Variants in BSPRY observed in about 807,000 individuals in gnomAD.
BSPRY encodes B box and SPRY domain-containing protein.
A neutral mutation model predicts 38.0 loss-of-function variants in BSPRY; 33 were observed. That is an observed-to-expected ratio of 0.87 (90% CI 0.66 to 1.16). BSPRY has a LOEUF of 1.16. Ranked by LOEUF, BSPRY falls within the 50% of genes most tolerant of loss-of-function variation. The probability of loss-of-function intolerance (pLI) is 0.00; values close to 1 mark genes in which losing one functional copy is unlikely to be tolerated. For synonymous variants in BSPRY, 224 were observed against 228.5 expected, an observed-to-expected ratio of 0.98 and a Z score of 0.18; for missense variants, 523 against 533.2, an observed-to-expected ratio of 0.98 and a Z score of 0.19.
At chr9:113,356,596 GTAA>G (rs990929556) in intron 2 of BSPRY, among the ~76,000 whole-genome samples, 1 of 152,212 alleles carries the variant, frequency 6.6e-6, no homozygotes, top group African/African-American at 2.4e-5. Flanking sequence ...GGAAGCCATT[GTAA>G]TAATCCAGGT....
intron 2 of BSPRY, among the ~76,000 whole-genome samples, chr9:113,356,722 G>A (rs1359229276): frequency 6.6e-6 from 1 of 152,156 alleles, no homozygotes; most frequent in Non-Finnish European, 1.5e-5. Context: ...CTAGATGTAG[G>A]CTATGAAAGA....
At chr9:113,359,619 C>T (rs1298334140) in intron 2 of BSPRY, among the ~76,000 whole-genome samples, 1 of 152,152 alleles carries the variant, frequency 6.6e-6, no homozygotes, top group Non-Finnish European at 1.5e-5. Flanking sequence ...GGATTGGTTG[C>T]CAGGTGGCAT....
In BSPRY at chr9:113,354,479, C is replaced by G. The variant is rs950044977; in HGVS notation, c.300+141C>G. ...CAAAGCTTCTCATCCCTCAGAGACT[C>G]AATTTTACCATCTGGGCAGGGTGGG... On this transcript the variant is annotated intron_variant, in intron 2 of 5. Coordinates refer to ENST00000374183, the MANE Select transcript of BSPRY (RefSeq NM_017688.3). The G allele has an allele frequency of 2.9e-5, 19 of 661,566 alleles. No homozygotes were observed. The African/African-American group carries it at 3.1e-4, about 11-fold the overall frequency. 41.0% of individuals were successfully genotyped at this position (661,566 alleles called of 1,614,324 possible). A position where few individuals can be genotyped will look rare whatever the true frequency, so the allele number is the denominator to read the frequency against.
At position 113,354,273 on chromosome 9, in the gene BSPRY, T is replaced by C; in HGVS notation, c.235T>C (p.Leu79=). 1 of 1,614,134 alleles carries C rather than the reference T, an allele frequency of 6.2e-7. No homozygotes were observed. The change falls in exon 2 of 6, where the codon TTA becomes CTA. Residue 79 remains leucine (L), a synonymous_variant. Transcript: ENST00000374183. ...TGTGGACCAGTGTGAGAGGCTGCAG[T>C]TACAGAGTGCTGCCATCACCAAGTA... The part of the protein sequence containing the change: ...KIVDQCERLQ[L]QSAAITKYVA...
Position 113,369,768 on chromosome 9 carries a change from A to C in BSPRY, c.835A>C (p.Thr279Pro), listed in dbSNP as rs368406613. 44 of 1,614,022 alleles carry C rather than the reference A, an allele frequency of 2.7e-5. No individual in the cohort carries two copies. Among genetic ancestry groups the C allele is most frequent in the South Asian group, 2.2e-4 (20 of 91,082 alleles). The part of the protein sequence containing the change: ...FDHWPNALAA[T>P]SFQNGLHAWM... ...CCACTGGCCCAATGCCCTGGCTGCC[A>C]CCTCCTTCCAGAATGGGCTCCATGC... Residue 279 changes from threonine (T) to proline (P), a missense_variant, in exon 6 of 6, where the codon ACC becomes CCC. Thr to Pro is a conservative substitution (Grantham distance 38). Coordinates refer to ENST00000374183, the MANE Select transcript of BSPRY (RefSeq NM_017688.3).
At chr9:113,369,472 C>G in intron 5 of BSPRY, 144 bp from the exon 6 acceptor site, 6 of 804,880 alleles carry the variant, frequency 7.5e-6, no homozygotes, top group Non-Finnish European at 1.2e-5. Context: ...TTTTGACCCC[C>G]GTTTTGCAGA....
At chr9:113,359,788 G>C (rs984339529) in intron 2 of BSPRY, among the ~76,000 whole-genome samples, 4 of 151,980 alleles carry the variant, frequency 2.6e-5, no homozygotes, top group African/African-American at 9.7e-5. Context: ...TAATCCCAGC[G>C]CTTTGTGGGG....
In BSPRY at chr9:113,360,691, C is replaced by T. The variant is rs753644953; in HGVS notation, c.485C>T (p.Thr162Ile). ...EALQKLDTIRTGLVGMLTHLD... is the reference protein window; with the variant it reads ...EALQKLDTIRIGLVGMLTHLD... ...CTGCAGAAACTTGACACCATCCGCA[C>T]TGGCCTGGTGGGCATGCTTACTCAC... Residue 162 changes from threonine to isoleucine, a missense_variant, in exon 3 of 6, where the codon ACT becomes ATT. Physicochemically the swap from Thr to Ile is moderately conservative, Grantham distance 89. Coordinates refer to ENST00000374183, the MANE Select transcript of BSPRY (RefSeq NM_017688.3). 1 of 1,604,826 alleles carries T rather than the reference C, an allele frequency of 6.2e-7. No homozygotes were observed. The highest frequency in any genetic ancestry group is 8.5e-7 in the Non-Finnish European group (1 of 1,176,800).
intron 4 of BSPRY, among the ~76,000 whole-genome samples, chr9:113,365,098 C>T (rs750416419): frequency 6.6e-6 from 1 of 152,166 alleles, no homozygotes; most frequent in Non-Finnish European, 1.5e-5. Context: ...TTCAGTTCAT[C>T]ATATCTGGGG....
chr9:113,369,523 T>C, intron 5 of BSPRY, 93 bp from the exon 6 acceptor site: 2 of 1,296,782 alleles, frequency 1.5e-6, no homozygotes, highest in Non-Finnish European at 2.1e-6. Flanking sequence ...GAGGTCACCA[T>C]GCTAGTGAGT....
intron 4 of BSPRY, 59 bp downstream of exon 4, chr9:113,362,453 A>C (rs370490117): frequency 1.9e-6 from 3 of 1,545,902 alleles, no homozygotes; most frequent in Non-Finnish European, 2.7e-6. Context: ...ACCTCTTCAC[A>C]CTCCACTGCC....
chr9:113,354,500 G>T (rs1212905686), intron 2 of BSPRY, among the ~76,000 whole-genome samples, 162 bp downstream of exon 2: 1 of 152,122 alleles, frequency 6.6e-6, no homozygotes. Flanking sequence ...TCTGGGCAGG[G>T]TGGGCTTGTT....
chr9:113,366,523 C>T (rs1251075308), intron 4 of BSPRY, among the ~76,000 whole-genome samples: 1 of 152,198 alleles, frequency 6.6e-6, no homozygotes, highest in East Asian at 1.9e-4. Context: ...CTGGCCAGGG[C>T]CTGCTGTGTT....
intron 2 of BSPRY, among the ~76,000 whole-genome samples, chr9:113,355,224 A>G (rs1834038519): frequency 6.6e-6 from 1 of 152,332 alleles, no homozygotes; most frequent in African/African-American, 2.4e-5. Flanking sequence ...AAGTATGCCT[A>G]TCAGGGGCAG....
intron 4 of BSPRY, among the ~76,000 whole-genome samples, chr9:113,364,672 T>C (rs551297674): frequency 2.0e-5 from 3 of 152,094 alleles, no homozygotes; most frequent in Non-Finnish European, 2.9e-5. Flanking sequence ...CTAGTATATA[T>C]GTTAGAAACT....
intron 1 of BSPRY, among the ~76,000 whole-genome samples, chr9:113,350,326 C>A (rs1833952181): frequency 6.6e-6 from 1 of 152,158 alleles, no homozygotes; most frequent in Non-Finnish European, 1.5e-5. Context: ...CTGCTCCTAA[C>A]CCCTTCTGGC....
At chr9:113,367,993 G>A (rs1032229407) in intron 4 of BSPRY, among the ~76,000 whole-genome samples, 2 of 152,024 alleles carry the variant, frequency 1.3e-5, no homozygotes, top group African/African-American at 2.4e-5. Context: ...ACCACACCCA[G>A]CTAATTTTTA....
At chr9:113,353,312 G>A (rs1044737291) in intron 1 of BSPRY, among the ~76,000 whole-genome samples, 8 of 152,170 alleles carry the variant, frequency 5.3e-5, no homozygotes, top group African/African-American at 1.4e-4. Flanking sequence ...CTTGAGCCTG[G>A]AAGGTCAAGG....
rs541801083 is a variant in BSPRY, at chr9:113,352,281, A to C, written c.202-1959A>C. On this transcript the variant is annotated intron_variant, in intron 1 of 5. Transcript: ENST00000374183. ...CTCTCTTTGAGGTACTAGGACATAG[A>C]GAAGTCAGACTTATGGTGCTTCTGT... 4.6e-5 allele frequency among the ~76,000 whole-genome samples: 7 copies of C among 152,360 alleles called. No homozygotes were observed. The South Asian group carries it at 1.4e-3, about 32-fold the overall frequency.
Sources: allele counts gnomAD v4.1 joint callset (sites outside exome capture counted in the v4.1 genomes callset), GRCh38; gene constraint gnomAD v4.1.1; transcripts MANE v1.5; gene names NCBI Gene and HGNC (gene_info 2026-07-23, HGNC 2026-07-21).